SDCCAG8: variants seen among roughly 807,000 people sequenced by gnomAD.
SDCCAG8 encodes serologically defined colon cancer antigen 8.
In SDCCAG8, 74 loss-of-function variants were observed where a neutral mutation model predicts 101.8. The ratio of observed to expected loss-of-function variants is 0.73; its 90% CI spans 0.60 to 0.88. SDCCAG8 has a LOEUF of 0.88. Among genes scored for constraint, SDCCAG8 ranks in the 40% least tolerant of loss-of-function variants. SDCCAG8 has a pLI of 0.00. For missense variants in SDCCAG8, 787 were observed against 822.6 expected, an observed-to-expected ratio of 0.96 and a Z score of 0.53; for synonymous variants, 281 against 292.9, an observed-to-expected ratio of 0.96 and a Z score of 0.41.
chr1:243,458,234 G>A lies in SDCCAG8; in HGVS notation c.1986-30780G>A, dbSNP rs976687324. ...TTAGCCTCCCTGGCCAGGGACCCTG[G>A]CCTCTGCTTTTGTGTTTCAAGAATT... On this transcript the variant is annotated intron_variant, in intron 16 of 17. Transcript: ENST00000366541. This position sits in a 1 kb window ranked among gnomAD's most constrained non-coding sequence, Gnocchi z 4.5. Among the ~76,000 whole-genome samples, 1 of 152,084 alleles carries A rather than the reference G, an allele frequency of 6.6e-6. No individual in the cohort carries two copies. Among genetic ancestry groups the A allele is most frequent in the African/African-American group, 2.4e-5 (1 of 41,404 alleles).
intron 6 of SDCCAG8, among the ~76,000 whole-genome samples, chr1:243,298,318 C>T (rs2451664): frequency 0.97 from 141,649 of 145,670 alleles, 69,009 homozygotes; most frequent in East Asian, 1. Flanking sequence ...CCCAAAGTGC[C>T]GGGATTACAG....
At chr1:243,488,560 C>G in intron 16 of SDCCAG8, 1 of 215,344 alleles carries the variant, frequency 4.6e-6, no homozygotes, top group Non-Finnish European at 9.5e-6. Flanking sequence ...TCAGCGATGC[C>G]GGAGCTCGTG....
At chr1:243,326,825 A>G (rs2149344250) in intron 9 of SDCCAG8, among the ~76,000 whole-genome samples, 1 of 152,322 alleles carries the variant, frequency 6.6e-6, no homozygotes, top group African/African-American at 2.4e-5. Context: ...TATGATCTAC[A>G]ATAGGTTTCC....
At chr1:243,369,468 A>G (rs578220493) in intron 12 of SDCCAG8, among the ~76,000 whole-genome samples, 25 of 152,194 alleles carry the variant, frequency 1.6e-4, no homozygotes, top group Middle Eastern at 6.8e-3. Flanking sequence ...TCTTCCATTT[A>G]TCTCTTTCTG....
intron 5 of SDCCAG8, among the ~76,000 whole-genome samples, chr1:243,292,695 G>T (rs1265840958): frequency 6.6e-6 from 1 of 152,184 alleles, no homozygotes; most frequent in African/African-American, 2.4e-5. Context: ...ACATAAAACA[G>T]GGTCTGGAAC....
At chr1:243,450,384 A>G (rs937133146) in intron 16 of SDCCAG8, among the ~76,000 whole-genome samples, 1 of 152,106 alleles carries the variant, frequency 6.6e-6, no homozygotes, top group Admixed American at 6.6e-5. Context: ...CTATTTTGCA[A>G]CTCCTTTAAG....
At chr1:243,348,037 CT>C (rs1181379015) in intron 12 of SDCCAG8, among the ~76,000 whole-genome samples, 77 of 103,376 alleles carry the variant, frequency 7.4e-4, no homozygotes, top group Non-Finnish European at 9.3e-4. Flanking sequence ...TTTTTTTTTT[CT>C]TTTTTTTTTT....
chr1:243,349,125 C>G (rs1238361419), intron 12 of SDCCAG8, among the ~76,000 whole-genome samples: 1 of 152,146 alleles, frequency 6.6e-6, no homozygotes, highest in Non-Finnish European at 1.5e-5. Context: ...TGTGACTGCA[C>G]TGATCACGTG....
At chr1:243,331,898 A>G (rs929029694) in intron 10 of SDCCAG8, among the ~76,000 whole-genome samples, 2 of 152,330 alleles carry the variant, frequency 1.3e-5, no homozygotes, top group Admixed American at 6.5e-5. Context: ...TGTTACACAA[A>G]TGTTTTCATA....
chr1:243,456,728 T>G (rs761530516), intron 16 of SDCCAG8, among the ~76,000 whole-genome samples: 3 of 152,134 alleles, frequency 2.0e-5, no homozygotes, highest in Non-Finnish European at 4.4e-5. Flanking sequence ...TTTTATTGTA[T>G]TTAGGGGGCA....
chr1:243,348,818 C>CAAAA (rs34405078), intron 12 of SDCCAG8, among the ~76,000 whole-genome samples: 1 of 131,238 alleles, frequency 7.6e-6, no homozygotes, highest in African/African-American at 2.9e-5. Context: ...ACTAAAAATA[C>CAAAA]AAAAAAAAAA....
At chr1:243,425,765 A>G (rs1256583679) in intron 15 of SDCCAG8, among the ~76,000 whole-genome samples, 1 of 152,204 alleles carries the variant, frequency 6.6e-6, no homozygotes. Flanking sequence ...AGACACGAAA[A>G]ACAAGATATT....
chr1:243,413,796 T>A (rs2080363997), intron 13 of SDCCAG8, among the ~76,000 whole-genome samples: 1 of 152,162 alleles, frequency 6.6e-6, no homozygotes, highest in South Asian at 2.1e-4. Context: ...CTGACAGGGC[T>A]TTTTGTTTTT....
chr1:243,312,979 C>G (rs1465029635), intron 8 of SDCCAG8, among the ~76,000 whole-genome samples: 1 of 152,154 alleles, frequency 6.6e-6, no homozygotes, highest in African/African-American at 2.4e-5. Flanking sequence ...GCTTAATGAT[C>G]AAAGTACCTT....
chr1:243,348,358 G>A (rs1363866558), intron 12 of SDCCAG8, among the ~76,000 whole-genome samples: 1 of 151,720 alleles, frequency 6.6e-6, no homozygotes, highest in African/African-American at 2.4e-5. Flanking sequence ...CCTGGGGCGG[G>A]AATTCTTACC....
chr1:243,443,082 A>G (rs2082652745), intron 16 of SDCCAG8, among the ~76,000 whole-genome samples: 1 of 152,224 alleles, frequency 6.6e-6, no homozygotes, highest in Non-Finnish European at 1.5e-5. Flanking sequence ...CAAATCTTTC[A>G]TATTTTCAAA....
intron 16 of SDCCAG8, among the ~76,000 whole-genome samples, chr1:243,447,111 G>A (rs2082966254): frequency 6.6e-6 from 1 of 151,798 alleles, no homozygotes; most frequent in South Asian, 2.1e-4. Flanking sequence ...AATTAGCCAG[G>A]CACAGTGGCC....
At chr1:243,370,628 T>C (rs993968026) in intron 12 of SDCCAG8, among the ~76,000 whole-genome samples, 7 of 152,124 alleles carry the variant, frequency 4.6e-5, no homozygotes, top group Admixed American at 4.6e-4. Flanking sequence ...TCTGAAATTC[T>C]TCTCTTCTTT....
In SDCCAG8 at chr1:243,270,953, T is replaced by G. The variant is rs1313983021; in HGVS notation, c.221-25T>G. The G allele has an allele frequency of 1.9e-6, 3 of 1,565,836 alleles. No homozygotes were observed. In the African/African-American group the frequency reaches 4.1e-5, roughly 21 times the overall value. On this transcript the variant is annotated intron_variant, in intron 2 of 17. Coordinates refer to ENST00000366541, the MANE Select transcript of SDCCAG8 (RefSeq NM_006642.5). Reference sequence around the variant, plus strand: ...AACCATGGATCTCAAATAAGGTTAATAAACCCTCTGCTTTTGCTCTATAGT... The same window carrying G: ...AACCATGGATCTCAAATAAGGTTAAGAAACCCTCTGCTTTTGCTCTATAGT...
Sources: allele counts gnomAD v4.1 joint callset (sites outside exome capture counted in the v4.1 genomes callset), GRCh38; gene constraint gnomAD v4.1.1; non-coding constraint Gnocchi (gnomAD v3.1); transcripts MANE v1.5; gene names NCBI Gene and HGNC (gene_info 2026-07-23, HGNC 2026-07-21).